The following ESR1 variants were observed in gnomAD, a reference collection of about 807,000 sequenced individuals.
The protein encoded by ESR1 is estrogen receptor 1, also known as estrogen receptor.
Under a neutral mutation model 52.7 loss-of-function variants are expected in ESR1, and 12 were observed. That is an observed-to-expected ratio of 0.23 (90% confidence interval 0.15 to 0.37). The LOEUF is 0.37. Among genes scored for constraint, ESR1 ranks in the 10% least tolerant of loss-of-function variants. The probability of loss-of-function intolerance (pLI) is 1.00; values close to 1 mark genes in which losing one functional copy is unlikely to be tolerated. For missense variants in ESR1, 584 were observed against 779.7 expected, an observed-to-expected ratio of 0.75 and a Z score of 2.99; for synonymous variants, 305 against 316.8, an observed-to-expected ratio of 0.96 and a Z score of 0.39.
chr6:151,672,294 G>T (rs935305117), intron 1 of ESR1, among the ~76,000 whole-genome samples: 1 of 151,372 alleles, frequency 6.6e-6, no homozygotes, highest in Non-Finnish European at 1.5e-5. Context: ...AAAGAGAGGG[G>T]ACTATAGGCA....
intron 1 of ESR1, among the ~76,000 whole-genome samples, chr6:151,675,498 C>T (rs1778220844): frequency 6.6e-6 from 1 of 151,952 alleles, no homozygotes; most frequent in African/African-American, 2.4e-5. Flanking sequence ...TTCTTCCCCT[C>T]CTCCCCACCG....
intron 4 of ESR1, among the ~76,000 whole-genome samples, chr6:151,980,730 G>A (rs1254992446): frequency 2.6e-5 from 4 of 152,154 alleles, no homozygotes; most frequent in Admixed American, 6.5e-5. Context: ...TTGAGACAGA[G>A]TCTCATTCTG....
chr6:151,969,681 T>C (rs1353471514), intron 4 of ESR1, among the ~76,000 whole-genome samples: 1 of 152,196 alleles, frequency 6.6e-6, no homozygotes, highest in Non-Finnish European at 1.5e-5. Flanking sequence ...CCTGTCTTCT[T>C]GTAGCAGACA....
At position 152,075,165 on chromosome 6, in the gene ESR1, T is replaced by C. The variant is rs191842285; in HGVS notation, c.1369+14041T>C. 2.0e-4 allele frequency among the ~76,000 whole-genome samples: 31 copies of C among 152,312 alleles called. No individual in the cohort carries two copies. In the East Asian group the frequency reaches 4.3e-3, roughly 21 times the overall value. ...GGTAGTGAGGGAAAGTTGGAGTGAA[T>C]GGGCTTGGTGCCCCCACCCCGCAAC... On this transcript the variant is annotated intron_variant, in intron 6 of 7. Coordinates refer to ENST00000206249, the MANE Select transcript of ESR1 (RefSeq NM_000125.4).
At chr6:151,875,391 A>C (rs1286408260) in intron 2 of ESR1, among the ~76,000 whole-genome samples, 2 of 152,174 alleles carry the variant, frequency 1.3e-5, no homozygotes, top group East Asian at 3.9e-4. Flanking sequence ...CCTGCGCTCC[A>C]CAAATGAAGT....
At chr6:152,025,035 C>T (rs1055234535) in intron 5 of ESR1, among the ~76,000 whole-genome samples, 11 of 133,032 alleles carry the variant, frequency 8.3e-5, no homozygotes, top group Non-Finnish European at 7.8e-5. Context: ...TAGTAGCAGT[C>T]ATAGGCACCA....
At chr6:152,019,175 A>T (rs959462128) in intron 5 of ESR1, among the ~76,000 whole-genome samples, 2 of 152,216 alleles carry the variant, frequency 1.3e-5, no homozygotes, top group African/African-American at 4.8e-5. Flanking sequence ...ATTGAAGATA[A>T]ATCAAAATAT....
intron 3 of ESR1, among the ~76,000 whole-genome samples, chr6:151,942,467 A>G (rs1288440670): frequency 6.6e-6 from 1 of 152,146 alleles, no homozygotes; most frequent in East Asian, 1.9e-4. Flanking sequence ...GCTTCCATGT[A>G]AAGTGTATGT....
At chr6:151,726,883 C>G (rs998724721) in intron 2 of ESR1, among the ~76,000 whole-genome samples, 27 of 152,144 alleles carry the variant, frequency 1.8e-4, no homozygotes, top group African/African-American at 6.5e-4. Context: ...TGACTAGGAT[C>G]CTTCACTACA....
At chr6:151,976,159 T>A (rs892838458) in intron 4 of ESR1, among the ~76,000 whole-genome samples, 1 of 152,190 alleles carries the variant, frequency 6.6e-6, no homozygotes, top group Non-Finnish European at 1.5e-5. Flanking sequence ...TTTTTTTTAA[T>A]GCTCAATAAA....
At chr6:151,985,175 G>T (rs1327125944) in intron 4 of ESR1, among the ~76,000 whole-genome samples, 1 of 152,012 alleles carries the variant, frequency 6.6e-6, no homozygotes, top group Non-Finnish European at 1.5e-5. Flanking sequence ...TGAGATGGCT[G>T]TGCTGCTGGA....
intron 4 of ESR1, among the ~76,000 whole-genome samples, chr6:151,959,105 C>T (rs995313318): frequency 1.6e-4 from 25 of 152,004 alleles, no homozygotes; most frequent in African/African-American, 5.1e-4. Flanking sequence ...GCATCTCTGA[C>T]GAGCTCCAGA....
chr6:151,694,043 G>A (rs947420708), intron 1 of ESR1, among the ~76,000 whole-genome samples: 10 of 152,328 alleles, frequency 6.6e-5, no homozygotes, highest in Non-Finnish European at 1.0e-4. Context: ...GGTTGGGGCA[G>A]CTCTTACTTT....
chr6:152,020,214 C>T (rs1304689303), intron 5 of ESR1, among the ~76,000 whole-genome samples: 1 of 152,122 alleles, frequency 6.6e-6, no homozygotes, highest in Non-Finnish European at 1.5e-5. Flanking sequence ...TTTAGTATAA[C>T]TAGACTTATT....
intron 5 of ESR1, among the ~76,000 whole-genome samples, chr6:152,016,475 C>A (rs892175866): frequency 1.1e-4 from 16 of 151,838 alleles, no homozygotes; most frequent in African/African-American, 3.9e-4. Flanking sequence ...ATTTAATTAC[C>A]ATCTTGGTGT....
intron 6 of ESR1, among the ~76,000 whole-genome samples, chr6:152,093,279 A>G (rs2050334696): frequency 6.6e-6 from 1 of 151,694 alleles, no homozygotes; most frequent in Non-Finnish European, 1.5e-5. Context: ...TGTCTCAAAA[A>G]AAAAACAAAA....
chr6:151,672,440 G>A (rs568414557), intron 1 of ESR1, among the ~76,000 whole-genome samples: 77 of 152,006 alleles, frequency 5.1e-4, no homozygotes, highest in South Asian at 1.0e-3. Flanking sequence ...AGGTTCCAGC[G>A]ATTCTCCTGC....
chr6:151,849,993 T>TTTTATATATATATAAAAA (rs1562473691), intron 2 of ESR1, among the ~76,000 whole-genome samples: 1,573 of 123,232 alleles, frequency 0.013, 66 homozygotes, highest in African/African-American at 0.044. Context: ...TATATATATA[T>TTTTATATATATATAAAAA]ATATATATAT....
intron 2 of ESR1, among the ~76,000 whole-genome samples, chr6:151,850,779 G>A (rs180999839): frequency 2.6e-5 from 4 of 152,192 alleles, no homozygotes; most frequent in South Asian, 2.1e-4. Flanking sequence ...TGGCTCTGAC[G>A]TTTCCAGAGC....
Sources: allele counts gnomAD v4.1 joint callset (sites outside exome capture counted in the v4.1 genomes callset), GRCh38; gene constraint gnomAD v4.1.1; transcripts MANE v1.5; gene names NCBI Gene and HGNC (gene_info 2026-07-23, HGNC 2026-07-21).